Variants in SLC3A1 observed in about 807,000 individuals in gnomAD.
SLC3A1 encodes solute carrier family 3 member 1, also known as amino acid transporter heavy chain SLC3A1.
In SLC3A1, 78 loss-of-function variants were observed where a neutral mutation model predicts 60.3. That is an observed-to-expected ratio of 1.29 (90% CI 1.08 to 1.56). The LOEUF is 1.56. Ranked by LOEUF, SLC3A1 falls within the 40% of genes most tolerant of loss-of-function variation. The pLI, the probability that SLC3A1 is intolerant of heterozygous loss-of-function variation, is 0.00. For synonymous variants in SLC3A1, 392 were observed against 307.9 expected (o/e 1.27, Z -2.86); for missense variants, 1,172 against 858.9 (o/e 1.36, Z -4.56).
At chr2:44,295,308 C>T (rs1174777260) in intron 4 of SLC3A1, among the ~76,000 whole-genome samples, 1 of 152,148 alleles carries the variant, frequency 6.6e-6, no homozygotes, top group Non-Finnish European at 1.5e-5. Flanking sequence ...GGGAGTCAGA[C>T]AGGAGTCAAG....
At chr2:44,278,526 C>T (rs1207733017) in intron 1 of SLC3A1, among the ~76,000 whole-genome samples, 1 of 151,902 alleles carries the variant, frequency 6.6e-6, no homozygotes, top group Non-Finnish European at 1.5e-5. Context: ...GCCCAGATCC[C>T]AGGTGTCGAA....
rs1672905356 is a variant in SLC3A1 at position 44,321,147 on chromosome 2, T to G, written c.*508T>G. On this transcript the variant is annotated 3_prime_UTR_variant, in exon 10 of 10. Transcript: ENST00000260649. ...CTAAGGAGCATGATTTGAAAATTACTTTCCTAGGTTAATGGGCATGTGCAT... is the reference window on the plus strand; with the variant it reads ...CTAAGGAGCATGATTTGAAAATTACGTTCCTAGGTTAATGGGCATGTGCAT... 1.3e-5 allele frequency: 7 copies of G among 541,062 alleles called. No homozygotes were observed. In the East Asian group the frequency reaches 2.2e-4, roughly 17 times the overall value. The allele number at this position is 541,062 out of a possible 1,614,324, so 33.5% of individuals were successfully genotyped here.
chr2:44,306,524 C>T (rs111237513), intron 7 of SLC3A1, among the ~76,000 whole-genome samples: 3,023 of 147,548 alleles, frequency 0.02, 120 homozygotes, highest in African/African-American at 0.072. Flanking sequence ...ACAGCTTTGT[C>T]GAGATATAAT....
chr2:44,321,910 T>C (rs1479362188), downstream of SLC3A1: 1 of 1,609,836 alleles, frequency 6.2e-7, no homozygotes, highest in African/African-American at 1.3e-5. Context: ...CCTGGAAGAG[T>C]TAACATGTAG....
intron 1 of SLC3A1, among the ~76,000 whole-genome samples, chr2:44,280,078 G>C (rs1671457809): frequency 1.3e-5 from 2 of 152,070 alleles, no homozygotes; most frequent in African/African-American, 4.8e-5. Context: ...TTGACACTTA[G>C]CCCAGCAGCT....
At chr2:44,314,401 G>A (rs1375905832) in intron 9 of SLC3A1, 2 of 250,618 alleles carry the variant, frequency 8.0e-6, no homozygotes, top group East Asian at 1.6e-4. Context: ...AGCCATACAT[G>A]ATCCTTAAAG....
intron 7 of SLC3A1, among the ~76,000 whole-genome samples, chr2:44,306,097 C>G (rs1672149984): frequency 6.6e-6 from 1 of 152,132 alleles, no homozygotes; most frequent in African/African-American, 2.4e-5. Context: ...TGTTGTTATT[C>G]GTATGCAGTT....
chr2:44,289,797 A>AT (rs1241252053), intron 4 of SLC3A1, among the ~76,000 whole-genome samples: 3 of 151,570 alleles, frequency 2.0e-5, no homozygotes, highest in African/African-American at 2.4e-5. Flanking sequence ...TGCCCAGCTA[A>AT]TTTTTTGTAT....
At chr2:44,313,981 T>G in intron 9 of SLC3A1, 30 bp downstream of exon 9, 1 of 1,613,726 alleles carries the variant, frequency 6.2e-7, no homozygotes, top group Non-Finnish European at 8.5e-7. Context: ...TTATGTTGAT[T>G]CTAGAAACAA....
chr2:44,279,893 T>C (rs772729809), intron 1 of SLC3A1, among the ~76,000 whole-genome samples: 7 of 152,128 alleles, frequency 4.6e-5, no homozygotes, highest in Non-Finnish European at 8.8e-5. Flanking sequence ...GATTTTTACA[T>C]TCTTTCTTTT....
chr2:44,312,213 C>T (rs998511862), intron 7 of SLC3A1, among the ~76,000 whole-genome samples: 1 of 152,138 alleles, frequency 6.6e-6, no homozygotes, highest in Non-Finnish European at 1.5e-5. Flanking sequence ...AAAGAGGACA[C>T]ATCAGAAGTC....
intron 3 of SLC3A1, among the ~76,000 whole-genome samples, chr2:44,283,418 C>G (rs571913263): frequency 6.6e-6 from 1 of 152,290 alleles, no homozygotes; most frequent in East Asian, 1.9e-4. Flanking sequence ...GTGCCAGGCT[C>G]TGTGCTAAGT....
chr2:44,320,489 T>C lies in SLC3A1; in HGVS notation c.1908T>C (p.Ser636=). 6.2e-7 allele frequency: 1 copy of C among 1,614,132 alleles called. No individual in the cohort carries two copies. The highest frequency in any genetic ancestry group is 8.5e-7 in the Non-Finnish European group (1 of 1,179,984). ...ACAAAGGCAGTAAAGTTGATACAAG[T>C]GGCATTTTTCTGGACAAGGGAGAGG... ...SADKGSKVDT[S]GIFLDKGEGL... Residue 636 remains serine (S), a synonymous_variant, in exon 10 of 10, where the codon AGT becomes AGC. Coordinates refer to ENST00000260649, the MANE Select transcript of SLC3A1 (RefSeq NM_000341.4).
At chr2:44,312,930 C>T (rs1672336042) in intron 8 of SLC3A1, 177 bp downstream of exon 8, 1 of 592,084 alleles carries the variant, frequency 1.7e-6, no homozygotes, top group South Asian at 2.0e-5. Context: ...GGTCTGAGAG[C>T]TTATTTTAAA....
At chr2:44,277,150 C>T (rs1380104313) in intron 1 of SLC3A1, among the ~76,000 whole-genome samples, 1 of 146,192 alleles carries the variant, frequency 6.8e-6, no homozygotes, top group Non-Finnish European at 1.5e-5. Context: ...TCTTGTTGCC[C>T]AGGCTGGAGT....
Position 44,286,073 on chromosome 2 carries a change from G to T in SLC3A1, c.807G>T (p.Val269=), listed in dbSNP as rs781335940. The T allele has an allele frequency of 8.1e-6, 13 of 1,613,954 alleles. No homozygotes were observed. Among genetic ancestry groups the T allele is most frequent in the African/African-American group, 2.7e-5 (2 of 74,922 alleles). ...YGNSSWHFDE[V]RNQCYFHQFM... is the part of the protein sequence containing the mutation. ...ACTCCAGTTGGCACTTTGACGAAGT[G>T]CGAAACCAATGTTATTTTCATCAGT... The change falls in exon 4 of 10, where the codon GTG becomes GTT. Residue 269 remains valine, a synonymous_variant. Transcript: ENST00000260649.
intron 7 of SLC3A1, among the ~76,000 whole-genome samples, chr2:44,308,157 A>G (rs1437930309): frequency 6.6e-6 from 1 of 152,154 alleles, no homozygotes; most frequent in Non-Finnish European, 1.5e-5. Flanking sequence ...AACAAAACAA[A>G]AAAAAGAAAA....
At chr2:44,321,751 T>G (rs1242771884), downstream of SLC3A1, 2 of 1,612,478 alleles carry the variant, frequency 1.2e-6, no homozygotes, top group South Asian at 1.1e-5. Context: ...ATAAACCTGC[T>G]GCAACCACTG....
chr2:44,303,628 C>A (rs1672074295), intron 6 of SLC3A1, among the ~76,000 whole-genome samples: 1 of 151,876 alleles, frequency 6.6e-6, no homozygotes, highest in African/African-American at 2.4e-5. Context: ...ATGTGTACAA[C>A]ATGCAGGTTT....
Sources: allele counts gnomAD v4.1 joint callset (sites outside exome capture counted in the v4.1 genomes callset), GRCh38; gene constraint gnomAD v4.1.1; transcripts MANE v1.5; gene names NCBI Gene and HGNC (gene_info 2026-07-23, HGNC 2026-07-21).